Variants in GREB1L observed in about 807,000 individuals in gnomAD.
GREB1L encodes GREB1-like protein.
Under a neutral mutation model 200.8 loss-of-function variants are expected in GREB1L, and 17 were observed. The observed-to-expected ratio is 0.08, with a 90% CI of 0.06 to 0.13. The LOEUF (loss-of-function observed/expected upper bound fraction) is 0.13, where lower values mean the gene tolerates loss of function less well. GREB1L is among the 10% of genes least tolerant of loss of function. The probability of loss-of-function intolerance (pLI) is 1.00; values close to 1 mark genes in which losing one functional copy is unlikely to be tolerated. For missense variants in GREB1L, 1,657 were observed against 2,367.7 expected (o/e 0.70, Z 6.23); for synonymous variants, 789 against 893.0 (o/e 0.88, Z 2.08).
chr18:21,449,754 A>T lies in GREB1L; in HGVS notation c.1638A>T (p.Arg546Ser). ...SETLRTLSEM[R>S]HYQRLPDYVV... ...CCTTAAGGACTCTCAGTGAAATGAGACACTATCAAAGGCTGCCAGATTATG... is the reference window on the plus strand; with the variant it reads ...CCTTAAGGACTCTCAGTGAAATGAGTCACTATCAAAGGCTGCCAGATTATG... Residue 546 changes from arginine (R) to serine (S), a missense_variant, in exon 12 of 33, where the codon AGA (arginine) becomes AGT (serine). Arg to Ser is a moderately radical substitution (Grantham distance 110, BLOSUM62 -1). Transcript: ENST00000424526. 22 of 1,551,566 alleles carry T rather than the reference A, an allele frequency of 1.4e-5. No homozygotes were observed. The highest frequency in any genetic ancestry group is 1.9e-5 in the Non-Finnish European group (22 of 1,146,914).
In GREB1L at chr18:21,439,583, C is replaced by T; in HGVS notation, c.895C>T (p.His299Tyr). The change falls in exon 8 of 33, where the codon CAC (histidine) becomes TAC (tyrosine). Residue 299 changes from histidine to tyrosine, a missense_variant. Transcript: ENST00000424526. Reference protein sequence around the residue: ...KGSASSSTPAHTGNYSLSPRP... With the variant: ...KGSASSSTPAYTGNYSLSPRP... Reference sequence around the variant, plus strand: ...CAGTGCATCCAGCTCCACTCCAGCCCACACAGGGAATTACTCTTTGTCACC... The same window carrying T: ...CAGTGCATCCAGCTCCACTCCAGCCTACACAGGGAATTACTCTTTGTCACC... 1 of 1,552,034 alleles carries T rather than the reference C, an allele frequency of 6.4e-7. No individual in the cohort carries two copies.
intron 2 of GREB1L, among the ~76,000 whole-genome samples, chr18:21,376,661 C>T (rs1277395029): frequency 3.3e-5 from 5 of 151,026 alleles, no homozygotes; most frequent in African/African-American, 7.3e-5. Flanking sequence ...AAAAATTAGC[C>T]GGGCATGGTG....
chr18:21,248,549 TTTTAAC>T (rs1273750149), intron 1 of GREB1L, among the ~76,000 whole-genome samples: 10 of 152,176 alleles, frequency 6.6e-5, no homozygotes, highest in African/African-American at 2.4e-4. Flanking sequence ...CACAGACACT[TTTTAAC>T]TTTCAGATTA....
chr18:21,356,421 A>G (rs1457342162), intron 1 of GREB1L, among the ~76,000 whole-genome samples: 1 of 152,174 alleles, frequency 6.6e-6, no homozygotes, highest in Non-Finnish European at 1.5e-5. Context: ...GAGATTATAC[A>G]GTATTTGTCT....
At position 21,376,426 on chromosome 18, in the gene GREB1L, GAAAA is replaced by G. The variant is rs568483529; in HGVS notation, c.-9-7072_-9-7069del. Among the ~76,000 whole-genome samples the G allele has an allele frequency of 5.0e-5, 5 of 99,540 alleles. No individual in the cohort carries two copies. In the South Asian group the frequency reaches 1.7e-3, roughly 33 times the overall value. 65.3% of individuals were successfully genotyped at this position (99,540 alleles called of 152,430 possible). A position where few individuals can be genotyped will look rare whatever the true frequency, so the allele number is the denominator to read the frequency against. On this transcript the variant is annotated intron_variant, in intron 2 of 32. Coordinates refer to ENST00000424526, the MANE Select transcript of GREB1L (RefSeq NM_001142966.3). ...AATGAGCCACCTGGCCTATTTTTAA[GAAAA>G]AAAAAAAAAAAGCAAAAACAAAGAA...
intron 1 of GREB1L, among the ~76,000 whole-genome samples, chr18:21,259,790 G>T (rs898474806): frequency 2.6e-5 from 4 of 151,886 alleles, no homozygotes; most frequent in Admixed American, 2.6e-4. Flanking sequence ...GAAAATCATG[G>T]TATGATCCTT....
At chr18:21,277,636 A>G (rs543460389) in intron 1 of GREB1L, among the ~76,000 whole-genome samples, 48 of 152,154 alleles carry the variant, frequency 3.2e-4, no homozygotes, top group African/African-American at 1.2e-3. Flanking sequence ...CTCCTCCATT[A>G]AGTGCCTACT....
chr18:21,378,882 C>G (rs199946624), intron 2 of GREB1L, among the ~76,000 whole-genome samples: 1 of 145,444 alleles, frequency 6.9e-6, no homozygotes, highest in Non-Finnish European at 1.5e-5. Flanking sequence ...TTTTTTTTTT[C>G]GGGGGGGGAC....
intron 10 of GREB1L, 144 bp downstream of exon 10, chr18:21,441,681 A>G (rs977293612): frequency 7.9e-5 from 66 of 840,314 alleles, no homozygotes; most frequent in African/African-American, 5.9e-4. Context: ...CTTTCATGCT[A>G]TATTAAACAT....
intron 15 of GREB1L, among the ~76,000 whole-genome samples, chr18:21,471,899 G>T (rs964933777): frequency 2.0e-5 from 3 of 152,160 alleles, no homozygotes; most frequent in Non-Finnish European, 4.4e-5. Context: ...GGAATTACAG[G>T]CATGAGCCAC....
chr18:21,345,994 G>C (rs1204473883), intron 1 of GREB1L, among the ~76,000 whole-genome samples: 1 of 151,954 alleles, frequency 6.6e-6, no homozygotes, highest in East Asian at 1.9e-4. Flanking sequence ...GATCATTTCT[G>C]ACTCACTCAC....
At chr18:21,503,009 C>G (rs1021156538) in intron 23 of GREB1L, among the ~76,000 whole-genome samples, 1 of 152,156 alleles carries the variant, frequency 6.6e-6, no homozygotes, top group Non-Finnish European at 1.5e-5. Flanking sequence ...TCTCAAGAGG[C>G]ACAATGACAC....
chr18:21,504,653 C>G (rs747197777), intron 23 of GREB1L, among the ~76,000 whole-genome samples: 4 of 152,274 alleles, frequency 2.6e-5, no homozygotes, highest in Non-Finnish European at 4.4e-5. Context: ...TTAGGCAATA[C>G]AGTAAGACCC....
chr18:21,251,962 A>G (rs1228193835), intron 1 of GREB1L, among the ~76,000 whole-genome samples: 1 of 151,592 alleles, frequency 6.6e-6, no homozygotes, highest in Non-Finnish European at 1.5e-5. Flanking sequence ...AAAAAAAAAA[A>G]GGATTACCAT....
Position 21,522,925 on chromosome 18 carries a change from A to T in GREB1L, c.*104A>T. On this transcript the variant is annotated 3_prime_UTR_variant, in exon 33 of 33. Transcript: ENST00000424526. ...TTAAAGTACAATCACTGTGGAGCAA[A>T]GTGCAACATATTTGTCTAAATTCTC... The T allele has an allele frequency of 6.8e-6, 7 of 1,031,474 alleles. No homozygotes were observed. The highest frequency in any genetic ancestry group is 9.6e-6 in the Non-Finnish European group (7 of 731,810). The allele number at this position is 1,031,474 out of a possible 1,614,324, so 63.9% of individuals were successfully genotyped here.
chr18:21,343,936 C>T lies in GREB1L; in HGVS notation c.-119-22091C>T, dbSNP rs1172423509. ...AACTACAAGTGTGTACCACCATGCCCGGCTAATTTTTGTATTTTTAGTAGA... is the reference window on the plus strand; with the variant it reads ...AACTACAAGTGTGTACCACCATGCCTGGCTAATTTTTGTATTTTTAGTAGA... On this transcript the variant is annotated intron_variant, in intron 1 of 32. Transcript: ENST00000424526. Among the ~76,000 whole-genome samples, 6 of 151,894 alleles carry T rather than the reference C, an allele frequency of 4.0e-5. No individual in the cohort carries two copies. In the East Asian group the frequency reaches 5.8e-4, roughly 15 times the overall value.
chr18:21,268,552 C>T (rs1175056474), intron 1 of GREB1L, among the ~76,000 whole-genome samples: 2 of 98,962 alleles, frequency 2.0e-5, no homozygotes, highest in African/African-American at 5.6e-5. Context: ...CACACACACA[C>T]ACACACACAT....
At chr18:21,384,517 G>T in intron 4 of GREB1L, 114 bp downstream of exon 4, 1 of 793,968 alleles carries the variant, frequency 1.3e-6, no homozygotes, top group Non-Finnish European at 2.0e-6. Flanking sequence ...CGTATGGAGA[G>T]GAATGAGAAA....
chr18:21,298,621 GTAACCAATTAAAAATACT>G (rs1202317809), intron 1 of GREB1L, among the ~76,000 whole-genome samples: 1 of 152,106 alleles, frequency 6.6e-6, no homozygotes, highest in Non-Finnish European at 1.5e-5. Flanking sequence ...CTGACTGAAT[GTAACCAATTAAAAATACT>G]TTGCCATATA....
Sources: gnomAD v4.1 joint callset for allele counts (sites outside exome capture counted in the v4.1 genomes callset) on GRCh38, gnomAD v4.1.1 for gene constraint, MANE v1.5 for transcripts, NCBI Gene and HGNC (gene_info 2026-07-23, HGNC 2026-07-21) for gene names.